Variants in LRCH3 observed in about 807,000 individuals in gnomAD.
LRCH3 encodes the protein leucine rich repeats and calponin homology domain containing 3, also known as DISP complex protein LRCH3.
LRCH3 carries 68 observed loss-of-function variants against 104.5 expected under a neutral mutation model. That is an observed-to-expected ratio of 0.65 (90% CI 0.54 to 0.80). LRCH3 has a LOEUF of 0.80. LRCH3 is among the 30% of genes least tolerant of loss of function. LRCH3 has a pLI of 0.00. For missense variants in LRCH3, 951 were observed against 953.9 expected (o/e 1.00, Z 0.04); for synonymous variants, 344 against 361.3 (o/e 0.95, Z 0.54).
intron 19 of LRCH3, among the ~76,000 whole-genome samples, chr3:197,871,935 G>T (rs1044595132): frequency 5.3e-5 from 8 of 152,138 alleles, no homozygotes; most frequent in Admixed American, 1.3e-4. Context: ...AAGGGGTAAG[G>T]CTAGAGACGT....
At chr3:197,862,232 G>T (rs1191915114) in intron 15 of LRCH3, among the ~76,000 whole-genome samples, 1 of 152,196 alleles carries the variant, frequency 6.6e-6, no homozygotes, top group African/African-American at 2.4e-5. Context: ...CTGACCTCAG[G>T]CAATCTGCCC....
chr3:197,844,655 G>A (rs986441406), intron 10 of LRCH3, among the ~76,000 whole-genome samples: 11 of 150,252 alleles, frequency 7.3e-5, no homozygotes, highest in African/African-American at 2.7e-4. Flanking sequence ...GCCTCACTCT[G>A]TCGCCAGGCT....
chr3:197,814,777 G>C (rs897220108), intron 1 of LRCH3, 131 bp from the exon 2 acceptor site: 10 of 651,702 alleles, frequency 1.5e-5, no homozygotes, highest in Non-Finnish European at 2.4e-5. Context: ...TTTGTAAGCA[G>C]ATATGCCTTA....
chr3:197,860,676 T>C (rs951740725), intron 15 of LRCH3, among the ~76,000 whole-genome samples: 4 of 152,126 alleles, frequency 2.6e-5, no homozygotes, highest in African/African-American at 9.7e-5. Flanking sequence ...TTGATATAGG[T>C]ATACAGTGCA....
chr3:197,824,679 T>A (rs1580662539), intron 4 of LRCH3, among the ~76,000 whole-genome samples: 1 of 150,512 alleles, frequency 6.6e-6, no homozygotes, highest in East Asian at 2.0e-4. Context: ...TTCAAGTGAT[T>A]CTCTGCCTCA....
At chr3:197,870,470 ATTC>A (rs1712031157) in intron 18 of LRCH3, among the ~76,000 whole-genome samples, 192 bp downstream of exon 18, 3 of 152,038 alleles carry the variant, frequency 2.0e-5, no homozygotes, top group South Asian at 4.1e-4. Context: ...GGTTCAAGCA[ATTC>A]TTCTGCCTCA....
intron 1 of LRCH3, among the ~76,000 whole-genome samples, chr3:197,792,617 TA>T (rs1423704102): frequency 1.1e-5 from 1 of 89,246 alleles, no homozygotes; most frequent in Non-Finnish European, 2.2e-5. Context: ...AATATACATA[TA>T]TATATAATAT....
chr3:197,869,463 T>C (rs1235117816), intron 17 of LRCH3, among the ~76,000 whole-genome samples: 1 of 150,404 alleles, frequency 6.6e-6, no homozygotes, highest in East Asian at 2.0e-4. Flanking sequence ...TAGAAAGCGG[T>C]GCACTGTACC....
intron 15 of LRCH3, among the ~76,000 whole-genome samples, chr3:197,864,306 C>T (rs1741204372): frequency 7.3e-6 from 1 of 136,062 alleles, no homozygotes; most frequent in Non-Finnish European, 1.5e-5. Context: ...GACTCCATCT[C>T]AAAAATAAAA....
chr3:197,879,656 C>A (rs1713418092), intron 20 of LRCH3, among the ~76,000 whole-genome samples: 1 of 152,068 alleles, frequency 6.6e-6, no homozygotes, highest in African/African-American at 2.4e-5. Flanking sequence ...AAAACAGACA[C>A]CCTCTGATTT....
intron 4 of LRCH3, among the ~76,000 whole-genome samples, chr3:197,821,831 T>C (rs755844732): frequency 1.3e-5 from 2 of 152,148 alleles, no homozygotes; most frequent in African/African-American, 2.4e-5. Flanking sequence ...CTTGCCACCA[T>C]GTCACCTACT....
intron 2 of LRCH3, among the ~76,000 whole-genome samples, chr3:197,816,332 G>C (rs982530530): frequency 7.9e-5 from 12 of 152,042 alleles, no homozygotes; most frequent in African/African-American, 2.9e-4. Context: ...CCAGGCTGGA[G>C]TGCAATGGTG....
intron 1 of LRCH3, among the ~76,000 whole-genome samples, chr3:197,798,259 T>A: frequency 6.8e-6 from 1 of 148,068 alleles, no homozygotes. Flanking sequence ...AGACCCTGTC[T>A]CAAAAAAAAT....
rs892685253 is a variant in LRCH3, at chr3:197,875,552, G to A, written c.2131-146G>A. 5 of 584,606 alleles carry A rather than the reference G, an allele frequency of 8.6e-6. No individual in the cohort carries two copies. The African/African-American group carries it at 9.5e-5, about 11-fold the overall frequency. 36.2% of individuals were successfully genotyped at this position (584,606 alleles called of 1,614,324 possible). On this transcript the variant is annotated intron_variant, in intron 19 of 20. Transcript: ENST00000425562. ...AACTATAGTCCCAGCTACTTGGGAG[G>A]CTGAGGTGGGAGGATCACCTGAGCC...
At chr3:197,817,505 C>T (rs558068562) in intron 3 of LRCH3, among the ~76,000 whole-genome samples, 32 of 150,698 alleles carry the variant, frequency 2.1e-4, no homozygotes, top group Non-Finnish European at 3.7e-4. Flanking sequence ...CTGAATTTTC[C>T]GTACTCAAGT....
intron 3 of LRCH3, among the ~76,000 whole-genome samples, chr3:197,819,153 T>C (rs533421368): frequency 9.9e-4 from 150 of 151,106 alleles, no homozygotes; most frequent in Non-Finnish European, 1.7e-3. Context: ...GAAAAAAGAA[T>C]GAGTGTCCCT....
At chr3:197,840,663 CAAGGTATTA>C (rs777547944) in intron 10 of LRCH3, among the ~76,000 whole-genome samples, 1 of 151,970 alleles carries the variant, frequency 6.6e-6, no homozygotes, top group Non-Finnish European at 1.5e-5. Flanking sequence ...TTATACTTGA[CAAGGTATTA>C]AAGGTAACTC....
At chr3:197,821,286 T>G (rs1343454740) in intron 4 of LRCH3, among the ~76,000 whole-genome samples, 2 of 152,188 alleles carry the variant, frequency 1.3e-5, no homozygotes, top group African/African-American at 4.8e-5. Context: ...GGTTATTTAC[T>G]TAGGCTGACT....
At position 197,847,442 on chromosome 3, in the gene LRCH3, A is replaced by G; in HGVS notation, c.1362A>G (p.Leu454=). The change falls in exon 11 of 21, where the codon CTA becomes CTG. Residue 454 remains leucine (L), a synonymous_variant. Coordinates refer to ENST00000425562, the MANE Select transcript of LRCH3 (RefSeq NM_001365715.1). The stretch of plus-strand genomic sequence containing the variant: ...CTGAGCCATCTTCCCTCCTGTCACT[A>G]TCAGCAAGTCACAATCAGGTAATGT... ...VPAEPSSLLS[L]SASHNQLSHT... 6.2e-7 allele frequency: 1 copy of G among 1,600,548 alleles called. No individual in the cohort carries two copies. Among genetic ancestry groups the G allele is most frequent in the Non-Finnish European group, 8.5e-7 (1 of 1,175,264 alleles).
Sources: allele counts gnomAD v4.1 joint callset (sites outside exome capture counted in the v4.1 genomes callset), GRCh38; gene constraint gnomAD v4.1.1; transcripts MANE v1.5; gene names NCBI Gene and HGNC (gene_info 2026-07-23, HGNC 2026-07-21).